Variants in ERC2 observed in about 807,000 individuals in gnomAD.
The protein encoded by ERC2 is ERC protein 2.
A neutral mutation model predicts 114.8 loss-of-function variants in ERC2; 42 were observed. The ratio of observed to expected loss-of-function variants is 0.37; its 90% CI spans 0.29 to 0.47. The LOEUF is 0.47. Ranked by LOEUF, ERC2 falls within the 20% of genes least tolerant of loss-of-function variation. The probability of loss-of-function intolerance (pLI) is 0.99; values close to 1 mark genes in which losing one functional copy is unlikely to be tolerated. For synonymous variants in ERC2, 454 were observed against 425.5 expected (o/e 1.07, Z -0.82); for missense variants, 939 against 1,150.7 (o/e 0.82, Z 2.66).
chr3:55,814,380 C>G (rs1239824322), intron 14 of ERC2, among the ~76,000 whole-genome samples: 1 of 152,174 alleles, frequency 6.6e-6, no homozygotes. Flanking sequence ...TTATAAATTG[C>G]TGGAGAATCC....
At position 55,695,769 on chromosome 3, in the gene ERC2, G is replaced by A. The variant is rs565347734; in HGVS notation, c.2847+3609C>T. ...CTGGATCAGTCATGTTATAAAATGG[G>A]TAGTCTCTTTTTTCACCTGATACTC... is the stretch of plus-strand genomic sequence containing the variant. On this transcript the variant is annotated intron_variant, in intron 16 of 17. Transcript: ENST00000288221. 7.9e-5 allele frequency among the ~76,000 whole-genome samples: 12 copies of A among 152,216 alleles called. No individual in the cohort carries two copies. The East Asian group carries it at 2.3e-3, about 29-fold the overall frequency.
intron 17 of ERC2, among the ~76,000 whole-genome samples, chr3:55,549,830 G>A (rs1261186457): frequency 6.6e-6 from 1 of 151,924 alleles, no homozygotes; most frequent in African/African-American, 2.4e-5. Flanking sequence ...CATGGTTTTG[G>A]TAGTGAGGAT....
chr3:55,509,223 A>G lies in ERC2; in HGVS notation c.*2093T>C, dbSNP rs1239396888. On this transcript the variant is annotated 3_prime_UTR_variant, in exon 18 of 18. Transcript: ENST00000288221. ...CACATACATAGAAATAGCTAGCTATACATGGGTTGGTTTTTTTTTTCTGTT... is the reference window on the plus strand; with the variant it reads ...CACATACATAGAAATAGCTAGCTATGCATGGGTTGGTTTTTTTTTTCTGTT... The G allele has an allele frequency of 6.6e-6, 1 of 152,168 alleles. No individual in the cohort carries two copies. Among genetic ancestry groups the G allele is most frequent in the East Asian group, 1.9e-4 (1 of 5,184 alleles). 9.4% of individuals were successfully genotyped at this position (152,168 alleles called of 1,614,324 possible). A position where few individuals can be genotyped will look rare whatever the true frequency, so the allele number is the denominator to read the frequency against.
Position 56,153,044 on chromosome 3 carries a change from G to A in ERC2, c.1150-3912C>T, listed in dbSNP as rs186467659. Among the ~76,000 whole-genome samples, 216 of 152,158 alleles carry A rather than the reference G, an allele frequency of 1.4e-3. 1 individual carries two copies. The highest frequency in any genetic ancestry group is 2.5e-3 in the Non-Finnish European group (167 of 68,024). On this transcript the variant is annotated intron_variant, in intron 4 of 17. Coordinates refer to ENST00000288221, the MANE Select transcript of ERC2 (RefSeq NM_015576.3). Reference sequence around the variant, plus strand: ...AGGATGAAAGTGGGATGGGAAGATTGAAATAAGTTTATTTCTTCCTTTTCT... The same window carrying A: ...AGGATGAAAGTGGGATGGGAAGATTAAAATAAGTTTATTTCTTCCTTTTCT...
At chr3:55,941,843 A>G (rs2066816922) in intron 13 of ERC2, among the ~76,000 whole-genome samples, 1 of 152,326 alleles carries the variant, frequency 6.6e-6, no homozygotes, top group South Asian at 2.1e-4. Flanking sequence ...TTCTCACAGT[A>G]ATTATCTCCA....
At chr3:55,997,880 G>GT (rs869077498) in intron 10 of ERC2, among the ~76,000 whole-genome samples, 8 of 44,786 alleles carry the variant, frequency 1.8e-4, no homozygotes, top group East Asian at 6.0e-4. Context: ...TCTTAATTCT[G>GT]TTTTTTTTTT....
chr3:56,182,565 T>C (rs562369579), intron 3 of ERC2, among the ~76,000 whole-genome samples: 4 of 152,348 alleles, frequency 2.6e-5, no homozygotes, highest in Middle Eastern at 3.4e-3. Context: ...CCTCCCTAAG[T>C]AGGTATTATC....
At position 55,714,972 on chromosome 3, in the gene ERC2, A is replaced by ATTTTGACT. The variant is rs573481470; in HGVS notation, c.2713-15468_2713-15461dup. On this transcript the variant is annotated intron_variant, in intron 15 of 17. Transcript: ENST00000288221. ...GGGGAAAAGACTCCTGAGACTGAGAATTTTGACTTTGGAGAATTGAGACTC... is the reference window on the plus strand; with the variant it reads ...GGGGAAAAGACTCCTGAGACTGAGAATTTTGACTTTTTGACTTTGGAGAATTGAGACTC... Among the ~76,000 whole-genome samples the ATTTTGACT allele has an allele frequency of 3.3e-5, 5 of 152,156 alleles. No individual in the cohort carries two copies. The South Asian group carries it at 1.0e-3, about 32-fold the overall frequency.
chr3:56,229,901 T>C (rs564184922), intron 3 of ERC2, among the ~76,000 whole-genome samples: 1 of 128,838 alleles, frequency 7.8e-6, no homozygotes, highest in African/African-American at 2.9e-5. Flanking sequence ...AGATGGAGTC[T>C]CGCTCTGTCG....
At chr3:56,345,919 C>G (rs2058289300) in intron 2 of ERC2, among the ~76,000 whole-genome samples, 1 of 152,156 alleles carries the variant, frequency 6.6e-6, no homozygotes, top group South Asian at 2.1e-4. Context: ...GTTGGCTGTG[C>G]CAGACCAAGG....
intron 14 of ERC2, among the ~76,000 whole-genome samples, chr3:55,825,165 A>C (rs1054111058): frequency 2.0e-5 from 3 of 152,158 alleles, no homozygotes; most frequent in African/African-American, 7.2e-5. Context: ...CTTCATTTCA[A>C]ACTGTGAGCA....
chr3:56,434,662 A>G lies in ERC2; in HGVS notation c.346T>C (p.Ser116Pro), dbSNP rs2061938719. 6.2e-7 allele frequency: 1 copy of G among 1,613,966 alleles called. No homozygotes were observed. The highest frequency in any genetic ancestry group is 8.5e-7 in the Non-Finnish European group (1 of 1,179,888). ...SAGLSHTDVLSYTDQHGGLTG... is the reference protein window; with the variant it reads ...SAGLSHTDVLPYTDQHGGLTG... ...AGCCCACCATGTTGATCTGTGTATG[A>G]AAGGACATCTGTGTGGGAAAGTCCA... The change falls in exon 2 of 18, where the codon TCA (serine) becomes CCA (proline). Residue 116 changes from serine to proline, a missense_variant. Ser to Pro is a moderately conservative substitution (Grantham distance 74). Transcript: ENST00000288221.
At chr3:56,147,053 A>G (rs2081180990) in intron 5 of ERC2, among the ~76,000 whole-genome samples, 1 of 152,254 alleles carries the variant, frequency 6.6e-6, no homozygotes, top group Admixed American at 6.5e-5. Context: ...TTTCAGCTGT[A>G]GAAGTGGCTT....
In ERC2 at chr3:56,017,574, G is replaced by T. The variant is rs112078215; in HGVS notation, c.1779+1320C>A. On this transcript the variant is annotated intron_variant, in intron 8 of 17. Transcript: ENST00000288221. ...TGTACTTGCTCTCCCCTCTGCCAGG[G>T]CTTTCTCCCTCCACAAGGGCTCCTG... Among the ~76,000 whole-genome samples, 1,287 of 152,088 alleles carry T rather than the reference G, an allele frequency of 8.5e-3. 22 individuals carry two copies. Among genetic ancestry groups the T allele is most frequent in the African/African-American group, 0.03 (1,237 of 41,480 alleles).
intron 3 of ERC2, among the ~76,000 whole-genome samples, chr3:56,207,239 T>A (rs182895702): frequency 6.6e-6 from 1 of 152,266 alleles, no homozygotes; most frequent in East Asian, 1.9e-4. Context: ...GGATTATTTT[T>A]AATAACCTTT....
chr3:55,565,108 T>C (rs1417690220), intron 17 of ERC2, among the ~76,000 whole-genome samples: 2 of 152,176 alleles, frequency 1.3e-5, no homozygotes. Context: ...CCTGATGACA[T>C]TGTAACACCC....
chr3:55,592,214 C>G (rs2057924918), intron 17 of ERC2, among the ~76,000 whole-genome samples: 1 of 152,240 alleles, frequency 6.6e-6, no homozygotes, highest in Non-Finnish European at 1.5e-5. Context: ...AACTCAGTGG[C>G]TGGGGCCGCT....
chr3:55,611,784 G>A (rs954702031), intron 17 of ERC2, among the ~76,000 whole-genome samples: 2 of 152,188 alleles, frequency 1.3e-5, no homozygotes, highest in South Asian at 4.1e-4. Context: ...TCTCTGAGGG[G>A]CCTTGCTTCT....
At chr3:56,411,644 A>G (rs2060944549) in intron 2 of ERC2, among the ~76,000 whole-genome samples, 2 of 152,164 alleles carry the variant, frequency 1.3e-5, no homozygotes, top group Non-Finnish European at 2.9e-5. Context: ...AGCACTCTAT[A>G]TACAGTGATT....
Sources: gnomAD v4.1 joint callset for allele counts (sites outside exome capture counted in the v4.1 genomes callset) on GRCh38, gnomAD v4.1.1 for gene constraint, MANE v1.5 for transcripts, NCBI Gene and HGNC (gene_info 2026-07-23, HGNC 2026-07-21) for gene names.